Variants in CNTNAP5 observed in about 807,000 individuals in gnomAD.
CNTNAP5 encodes contactin-associated protein-like 5.
CNTNAP5 carries 72 observed loss-of-function variants against 150.2 expected under a neutral mutation model. The observed-to-expected ratio is 0.48, with a 90% CI of 0.40 to 0.58. The LOEUF (loss-of-function observed/expected upper bound fraction) is 0.58. Among genes scored for constraint, CNTNAP5 ranks in the 20% least tolerant of loss-of-function variants. The probability of loss-of-function intolerance (pLI) is 0.00; values close to 1 mark genes in which losing one functional copy is unlikely to be tolerated. For missense variants in CNTNAP5, 1,636 were observed against 1,626.2 expected, an observed-to-expected ratio of 1.01 and a Z score of -0.10; for synonymous variants, 672 against 619.8, an observed-to-expected ratio of 1.08 and a Z score of -1.25.
At chr2:124,870,103 T>C (rs1328879695) in intron 21 of CNTNAP5, among the ~76,000 whole-genome samples, 1 of 152,050 alleles carries the variant, frequency 6.6e-6, no homozygotes, top group Admixed American at 6.6e-5. Flanking sequence ...AGCAACTCAA[T>C]AGTTCATCAA....
intron 22 of CNTNAP5, among the ~76,000 whole-genome samples, chr2:124,905,124 T>TG (rs1181232345): frequency 8.2e-6 from 1 of 121,928 alleles, no homozygotes; most frequent in Non-Finnish European, 1.8e-5. Flanking sequence ...TTGTTTTTTT[T>TG]TGTTTTTTTT....
In CNTNAP5 at chr2:124,469,280, A is replaced by G. The variant is rs187727921; in HGVS notation, c.919-5459A>G. Reference sequence around the variant, plus strand: ...AAACTCTCCACCCTGAATATTTTCAATAGCACTGTGTTTTGCTATTTAAAA... The same window carrying G: ...AAACTCTCCACCCTGAATATTTTCAGTAGCACTGTGTTTTGCTATTTAAAA... On this transcript the variant is annotated intron_variant, in intron 6 of 23. Coordinates refer to ENST00000682447, the MANE Select transcript of CNTNAP5 (RefSeq NM_001367498.1). 6.6e-5 allele frequency among the ~76,000 whole-genome samples: 10 copies of G among 152,292 alleles called. No individual in the cohort carries two copies. The East Asian group carries it at 1.5e-3, about 24-fold the overall frequency.
chr2:124,586,702 C>T (rs1696544369), intron 11 of CNTNAP5, among the ~76,000 whole-genome samples: 2 of 152,236 alleles, frequency 1.3e-5, no homozygotes, highest in African/African-American at 4.8e-5. Context: ...TCACAGCAAT[C>T]TAAAGGCTTT....
rs1030072163 is a variant in CNTNAP5 at position 124,713,248 on chromosome 2, T to C, written c.2078-33981T>C. Reference sequence around the variant, plus strand: ...CTTTCTTTCTTTCTTTCTTTCTCTTTCTTTCTTTCTTTCTTTCTTTCTTTC... The same window carrying C: ...CTTTCTTTCTTTCTTTCTTTCTCTTCCTTTCTTTCTTTCTTTCTTTCTTTC... On this transcript the variant is annotated intron_variant, in intron 13 of 23. Coordinates refer to ENST00000682447, the MANE Select transcript of CNTNAP5 (RefSeq NM_001367498.1). 1.9e-3 allele frequency among the ~76,000 whole-genome samples: 191 copies of C among 98,684 alleles called. 11 individuals carry two copies. The highest frequency in any genetic ancestry group is 6.8e-3 in the African/African-American group (188 of 27,652). The allele number at this position is 98,684 out of a possible 152,430, so 64.7% of individuals were successfully genotyped here.
At position 124,524,461 on chromosome 2, in the gene CNTNAP5, T is replaced by C. The variant is rs751362667; in HGVS notation, c.1477+9T>C. 6.2e-7 allele frequency: 1 copy of C among 1,604,508 alleles called. No individual in the cohort carries two copies. Among genetic ancestry groups the C allele is most frequent in the East Asian group, 2.2e-5 (1 of 44,454 alleles). ...TAGCTACTATTTTGGAGGTAAATTC[T>C]CCAGTCTTTAAGAGGGAAAATTAAG... On this transcript the variant is annotated intron_variant, in intron 9 of 23. Transcript: ENST00000682447.
chr2:124,052,547 A>G (rs1293240712), intron 1 of CNTNAP5, among the ~76,000 whole-genome samples: 1 of 152,236 alleles, frequency 6.6e-6, no homozygotes, highest in Non-Finnish European at 1.5e-5. Context: ...AGTGTTTGAT[A>G]GATTTCCATT....
At chr2:124,808,790 C>A (rs562509185) in intron 19 of CNTNAP5, among the ~76,000 whole-genome samples, 18 of 152,182 alleles carry the variant, frequency 1.2e-4, no homozygotes, top group African/African-American at 4.1e-4. Context: ...GGCTAATATG[C>A]AAGTTCTTTT....
intron 4 of CNTNAP5, among the ~76,000 whole-genome samples, chr2:124,418,128 A>G (rs1460073514): frequency 6.6e-6 from 1 of 152,248 alleles, no homozygotes; most frequent in Non-Finnish European, 1.5e-5. Flanking sequence ...AAAGATGGGT[A>G]GAACTAGTGA....
intron 19 of CNTNAP5, among the ~76,000 whole-genome samples, chr2:124,836,112 G>A (rs1348304642): frequency 1.3e-5 from 2 of 152,072 alleles, no homozygotes; most frequent in Non-Finnish European, 2.9e-5. Context: ...AAGGTAGAAG[G>A]GAGAAAGATC....
intron 1 of CNTNAP5, among the ~76,000 whole-genome samples, chr2:124,133,853 A>G (rs1683917574): frequency 6.6e-6 from 1 of 152,170 alleles, no homozygotes. Context: ...CAAAAACCCC[A>G]TAGTGTATAT....
chr2:124,136,050 T>C (rs1683964883), intron 1 of CNTNAP5, among the ~76,000 whole-genome samples: 2 of 152,358 alleles, frequency 1.3e-5, no homozygotes, highest in East Asian at 1.9e-4. Context: ...ATGCAGCTAA[T>C]CTACGGCATG....
At chr2:124,386,717 A>T (rs913313565) in intron 3 of CNTNAP5, among the ~76,000 whole-genome samples, 1 of 148,904 alleles carries the variant, frequency 6.7e-6, no homozygotes, top group African/African-American at 2.5e-5. Flanking sequence ...TCCTCTTGTG[A>T]TTATTTCAAA....
intron 13 of CNTNAP5, among the ~76,000 whole-genome samples, chr2:124,683,502 G>T (rs1204825776): frequency 6.6e-6 from 1 of 152,110 alleles, no homozygotes; most frequent in Non-Finnish European, 1.5e-5. Flanking sequence ...AGTGTACGCT[G>T]TACCCAATGT....
intron 19 of CNTNAP5, among the ~76,000 whole-genome samples, chr2:124,852,047 A>G (rs886369092): frequency 2.0e-5 from 3 of 152,196 alleles, no homozygotes; most frequent in East Asian, 1.9e-4. Flanking sequence ...CTCTGAGTAG[A>G]TGGTGAGATT....
At chr2:124,243,411 G>A (rs1686937185) in intron 3 of CNTNAP5, among the ~76,000 whole-genome samples, 1 of 151,974 alleles carries the variant, frequency 6.6e-6, no homozygotes, top group African/African-American at 2.4e-5. Context: ...TATACTCATT[G>A]TTATTTGTTA....
chr2:124,162,167 C>T (rs866681324), intron 1 of CNTNAP5, among the ~76,000 whole-genome samples: 1 of 152,168 alleles, frequency 6.6e-6, no homozygotes, highest in Middle Eastern at 3.4e-3. Flanking sequence ...ATGTAGTGCG[C>T]TTTAAGTTCA....
At chr2:124,871,787 C>A (rs1051927413) in intron 21 of CNTNAP5, among the ~76,000 whole-genome samples, 1 of 151,974 alleles carries the variant, frequency 6.6e-6, no homozygotes, top group Non-Finnish European at 1.5e-5. Flanking sequence ...TTGTAGATTT[C>A]TTTTTAAAAT....
chr2:124,870,976 G>C (rs554505534), intron 21 of CNTNAP5, among the ~76,000 whole-genome samples: 1 of 152,102 alleles, frequency 6.6e-6, no homozygotes, highest in South Asian at 2.1e-4. Flanking sequence ...CTGAAGTAGG[G>C]TCAAAAAAAT....
intron 3 of CNTNAP5, among the ~76,000 whole-genome samples, chr2:124,333,359 G>A (rs1689395609): frequency 1.3e-5 from 2 of 152,076 alleles, no homozygotes; most frequent in African/African-American, 4.8e-5. Flanking sequence ...TGTAAATGGA[G>A]CAAGTTAAAG....
Sources: gnomAD v4.1 joint callset for allele counts (sites outside exome capture counted in the v4.1 genomes callset) on GRCh38, gnomAD v4.1.1 for gene constraint, MANE v1.5 for transcripts, NCBI Gene and HGNC (gene_info 2026-07-23, HGNC 2026-07-21) for gene names.